The following CD247 variants were observed in gnomAD, a reference collection of about 807,000 sequenced individuals.
CD247 encodes the protein CD247 molecule.
In CD247, 13 loss-of-function variants were observed where a neutral mutation model predicts 30.0. The observed-to-expected ratio is 0.43, with a 90% confidence interval of 0.28 to 0.69. The LOEUF is 0.69. Among genes scored for constraint, CD247 ranks in the 30% least tolerant of loss-of-function variants. The pLI is 0.16. For missense variants in CD247, 193 were observed against 212.6 expected, an observed-to-expected ratio of 0.91 and a Z score of 0.57; for synonymous variants, 72 against 80.0, an observed-to-expected ratio of 0.90 and a Z score of 0.53.
At chr1:167,478,277 C>T (rs561714666) in intron 1 of CD247, among the ~76,000 whole-genome samples, 9 of 152,204 alleles carry the variant, frequency 5.9e-5, no homozygotes, top group Non-Finnish European at 8.8e-5. Context: ...ACACCACAGC[C>T]GTGCATTTGT....
intron 1 of CD247, among the ~76,000 whole-genome samples, chr1:167,472,873 T>C (rs1653588219): frequency 6.6e-6 from 1 of 152,158 alleles, no homozygotes; most frequent in South Asian, 2.1e-4. Flanking sequence ...GTGACCCCCA[T>C]GGCCTAGAGA....
Position 167,480,861 on chromosome 1 carries a change from C to T in CD247, c.58+37547G>A, listed in dbSNP as rs567227075. On this transcript the variant is annotated intron_variant, in intron 1 of 7. Coordinates refer to ENST00000362089, the MANE Select transcript of CD247 (RefSeq NM_198053.3). Reference sequence around the variant, plus strand: ...AATTTCTTGACTTTTATTGTGTATTCTTGGGAACATTTGTGACGTGATAAA... The same window carrying T: ...AATTTCTTGACTTTTATTGTGTATTTTTGGGAACATTTGTGACGTGATAAA... 1.4e-4 allele frequency among the ~76,000 whole-genome samples: 22 copies of T among 152,242 alleles called. No individual in the cohort carries two copies. The South Asian group carries it at 4.6e-3, about 32-fold the overall frequency.
At chr1:167,496,041 T>C (rs1654677108) in intron 1 of CD247, among the ~76,000 whole-genome samples, 1 of 152,222 alleles carries the variant, frequency 6.6e-6, no homozygotes, top group African/African-American at 2.4e-5. Flanking sequence ...TGGGATTTTG[T>C]TGCTGCTGTG....
chr1:167,441,500 A>G (rs1651830067), intron 1 of CD247, among the ~76,000 whole-genome samples: 1 of 151,130 alleles, frequency 6.6e-6, no homozygotes, highest in African/African-American at 2.4e-5. Flanking sequence ...CACTACACAC[A>G]CCCCATTCCC....
In CD247 at chr1:167,456,588, C is replaced by T. The variant is rs188058723; in HGVS notation, c.59-15821G>A. Among the ~76,000 whole-genome samples, 43 of 152,260 alleles carry T rather than the reference C, an allele frequency of 2.8e-4. No homozygotes were observed. In the East Asian group the frequency reaches 7.9e-3, roughly 28 times the overall value. ...CAGGTGAATGAGACTCTCTGAAGGC[C>T]GGCCCAGGGGTCTGCCTTGTAACAC... On this transcript the variant is annotated intron_variant, in intron 1 of 7. Transcript: ENST00000362089.
rs1553229948 is a variant in CD247 at position 167,449,144 on chromosome 1, C to CTTTTCTTTTTTCT, written c.59-8378_59-8377insAGAAAAAAGAAAA. ...TGAGCGATACTTTGTGATCATTTTT[C>CTTTTCTTTTTTCT]TTTTCTTTTTTTTTTTTTTTTTTTT... is the stretch of plus-strand genomic sequence containing the variant. On this transcript the variant is annotated intron_variant, in intron 1 of 7. Transcript: ENST00000362089. 4.5e-4 allele frequency among the ~76,000 whole-genome samples: 17 copies of CTTTTCTTTTTTCT among 37,980 alleles called. 1 individual carries two copies. The highest frequency in any genetic ancestry group is 1.9e-3 in the African/African-American group (17 of 9,076). The allele number at this position is 37,980 out of a possible 152,430, so 24.9% of individuals were successfully genotyped here.
At position 167,431,631 on chromosome 1, in the gene CD247, A is replaced by G; in HGVS notation, c.*50T>C. On this transcript the variant is annotated 3_prime_UTR_variant, in exon 8 of 8. Coordinates refer to ENST00000362089, the MANE Select transcript of CD247 (RefSeq NM_198053.3). ...GTAAATGCTTCATCCTGTGTCTCAT[A>G]ATCTGGGCGTCTGCAGGTCTGGCCT... 1 of 1,444,244 alleles carries G rather than the reference A, an allele frequency of 6.9e-7. No homozygotes were observed. Among genetic ancestry groups the G allele is most frequent in the Non-Finnish European group, 9.8e-7 (1 of 1,024,906 alleles). 89.5% of individuals were successfully genotyped at this position (1,444,244 alleles called of 1,614,324 possible).
At chr1:167,459,139 ATT>A (rs111653505) in intron 1 of CD247, among the ~76,000 whole-genome samples, 10 of 147,484 alleles carry the variant, frequency 6.8e-5, no homozygotes, top group African/African-American at 2.5e-4. Context: ...TGTCTCAAAA[ATT>A]TTAAAAAAAA....
At chr1:167,459,326 C>A (rs996328468) in intron 1 of CD247, among the ~76,000 whole-genome samples, 5 of 144,632 alleles carry the variant, frequency 3.5e-5, no homozygotes, top group Non-Finnish European at 7.6e-5. Context: ...ACACTACTTT[C>A]TCTGGCTTTT....
At chr1:167,487,110 G>T (rs1353937094) in intron 1 of CD247, among the ~76,000 whole-genome samples, 5 of 147,430 alleles carry the variant, frequency 3.4e-5, no homozygotes, top group African/African-American at 1.3e-4. Flanking sequence ...CGGGTGTGAT[G>T]GTTCACATCT....
intron 1 of CD247, among the ~76,000 whole-genome samples, chr1:167,512,999 T>C (rs2982482): frequency 0.25 from 37,506 of 152,206 alleles, 5,842 homozygotes; most frequent in African/African-American, 0.44. Context: ...CTTTAACCTA[T>C]TCTTTCAAAT....
At chr1:167,517,114 C>T (rs992863362) in intron 1 of CD247, among the ~76,000 whole-genome samples, 2 of 152,218 alleles carry the variant, frequency 1.3e-5, no homozygotes, top group African/African-American at 4.8e-5. Context: ...TCTGAGCAAG[C>T]TCAGGCACCC....
intron 1 of CD247, among the ~76,000 whole-genome samples, chr1:167,508,250 G>A (rs1015728833): frequency 7.9e-5 from 12 of 152,028 alleles, no homozygotes; most frequent in Admixed American, 1.3e-4. Flanking sequence ...GAGCTATTGC[G>A]CGACGAGATG....
chr1:167,448,262 A>C (rs1652185731), intron 1 of CD247: 1 of 630,994 alleles, frequency 1.6e-6, no homozygotes, highest in Admixed American at 6.3e-5. Context: ...AGTTAATAAC[A>C]TGCCTAATGT....
Position 167,518,527 on chromosome 1 carries a change from G to A in CD247, c.-62C>T. 1.1e-5 allele frequency: 16 copies of A among 1,461,118 alleles called. No homozygotes were observed. The highest frequency in any genetic ancestry group is 1.5e-5 in the Non-Finnish European group (16 of 1,044,454). The allele number at this position is 1,461,118 out of a possible 1,614,324, so 90.5% of individuals were successfully genotyped here. On this transcript the variant is annotated 5_prime_UTR_variant, in exon 1 of 8. Coordinates refer to ENST00000362089, the MANE Select transcript of CD247 (RefSeq NM_198053.3). ...GGCTGAGGCAGCGGTGGCCGGGACG[G>A]TTAGGAGAAAAGGAGTCTCTGCTGG...
chr1:167,455,388 G>T (rs1652596285), intron 1 of CD247, among the ~76,000 whole-genome samples: 1 of 152,188 alleles, frequency 6.6e-6, no homozygotes, highest in Non-Finnish European at 1.5e-5. Flanking sequence ...CGGGACCGCC[G>T]TCCCAAAGTC....
At chr1:167,439,609 G>A in intron 2 of CD247, 1 of 597,022 alleles carries the variant, frequency 1.7e-6, no homozygotes, top group Non-Finnish European at 3.0e-6. Context: ...CCTCCCGCCT[G>A]TGACACGTGC....
At chr1:167,446,251 C>T (rs1362645866) in intron 1 of CD247, among the ~76,000 whole-genome samples, 2 of 152,146 alleles carry the variant, frequency 1.3e-5, no homozygotes, top group Non-Finnish European at 2.9e-5. Context: ...ACTTCAAGTC[C>T]GCCCCCCACC....
At chr1:167,454,666 A>ATTG (rs911554864) in intron 1 of CD247, among the ~76,000 whole-genome samples, 173 of 4,564 alleles carry the variant, frequency 0.038, no homozygotes, top group African/African-American at 0.048. Flanking sequence ...CATGATCACT[A>ATTG]TTGTTATTAT....
Sources: allele counts gnomAD v4.1 joint callset (sites outside exome capture counted in the v4.1 genomes callset), GRCh38; gene constraint gnomAD v4.1.1; transcripts MANE v1.5; gene names NCBI Gene and HGNC (gene_info 2026-07-23, HGNC 2026-07-21).